The following PDE3B variants were observed in gnomAD, a reference collection of about 807,000 sequenced individuals.
The protein encoded by PDE3B is phosphodiesterase 3B, also known as cGMP-inhibited 3',5'-cyclic phosphodiesterase 3B.
A neutral mutation model predicts 116.8 loss-of-function variants in PDE3B; 66 were observed. The ratio of observed to expected loss-of-function variants is 0.56; its 90% CI spans 0.46 to 0.69. The LOEUF (loss-of-function observed/expected upper bound fraction) is 0.69. Ranked by LOEUF, PDE3B falls within the 30% of genes least tolerant of loss-of-function variation. The pLI, the probability that PDE3B is intolerant of heterozygous loss-of-function variation, is 0.00. For synonymous variants in PDE3B, 595 were observed against 533.6 expected, an observed-to-expected ratio of 1.12 and a Z score of -1.59; for missense variants, 1,384 against 1,368.1, an observed-to-expected ratio of 1.01 and a Z score of -0.18.
intron 7 of PDE3B, among the ~76,000 whole-genome samples, chr11:14,829,946 C>G (rs1469764293): frequency 6.6e-6 from 1 of 152,088 alleles, no homozygotes; most frequent in Non-Finnish European, 1.5e-5. Flanking sequence ...ATCTTTTTGT[C>G]TTTCATACGC....
intron 1 of PDE3B, among the ~76,000 whole-genome samples, chr11:14,655,466 A>C (rs1853690623): frequency 6.6e-6 from 1 of 152,168 alleles, no homozygotes; most frequent in Non-Finnish European, 1.5e-5. Context: ...ATACTGTCTT[A>C]ATTACCTTTC....
intron 1 of PDE3B, among the ~76,000 whole-genome samples, chr11:14,716,368 T>G (rs1855893240): frequency 1.3e-5 from 2 of 151,816 alleles, no homozygotes; most frequent in South Asian, 4.1e-4. Flanking sequence ...TGCCCAGGCT[T>G]GCTTAGGTAA....
chr11:14,844,336 A>G (rs963995866), intron 12 of PDE3B, among the ~76,000 whole-genome samples: 4 of 152,198 alleles, frequency 2.6e-5, no homozygotes, highest in African/African-American at 9.6e-5. Flanking sequence ...ACTGTATTTA[A>G]GATTTCTGTT....
At chr11:14,702,150 C>T (rs1855383544) in intron 1 of PDE3B, among the ~76,000 whole-genome samples, 1 of 151,580 alleles carries the variant, frequency 6.6e-6, no homozygotes, top group Admixed American at 6.6e-5. Flanking sequence ...TTGTCCTTCA[C>T]TTCATCTTTC....
chr11:14,883,842 AAAAC>A, the PDE3B span, among the ~76,000 whole-genome samples: 1 of 151,786 alleles, frequency 6.6e-6, no homozygotes, highest in East Asian at 1.9e-4. Flanking sequence ...TTACAAGAAA[AAAAC>A]AACCCCATCA....
chr11:14,759,347 C>A (rs748003643), intron 1 of PDE3B, among the ~76,000 whole-genome samples: 5 of 152,050 alleles, frequency 3.3e-5, no homozygotes, highest in Non-Finnish European at 7.4e-5. Flanking sequence ...AGGAATGGTA[C>A]CAGTTCCTCC....
intron 1 of PDE3B, among the ~76,000 whole-genome samples, chr11:14,667,874 C>T (rs1490342836): frequency 1.3e-5 from 2 of 151,552 alleles, no homozygotes; most frequent in African/African-American, 2.4e-5. Context: ...GAATTTTTGT[C>T]TGTTTTGTTC....
chr11:14,847,184 A>T (rs541042230), intron 12 of PDE3B, among the ~76,000 whole-genome samples: 3,113 of 152,216 alleles, frequency 0.02, 106 homozygotes, highest in African/African-American at 0.071. Context: ...GGATTAAGAC[A>T]CTCACTCAAA....
At chr11:14,851,488 A>G (rs981702382) in intron 12 of PDE3B, among the ~76,000 whole-genome samples, 4 of 145,812 alleles carry the variant, frequency 2.7e-5, no homozygotes, top group Admixed American at 2.1e-4. Flanking sequence ...GAATATGTAT[A>G]TGTGTAAATG....
intron 1 of PDE3B, among the ~76,000 whole-genome samples, chr11:14,683,033 G>T (rs568373966): frequency 6.6e-6 from 1 of 151,812 alleles, no homozygotes; most frequent in Non-Finnish European, 1.5e-5. Flanking sequence ...CGCCTCCCAG[G>T]TTCAAGTGAT....
intron 12 of PDE3B, among the ~76,000 whole-genome samples, chr11:14,848,972 A>T (rs1207004166): frequency 6.6e-6 from 1 of 152,216 alleles, no homozygotes; most frequent in Non-Finnish European, 1.5e-5. Context: ...TCTTCCCAGA[A>T]TTGGAAAAAA....
At position 14,867,665 on chromosome 11, in the gene PDE3B, G is replaced by A. The variant is rs557159488; in HGVS notation, c.3046G>A (p.Ala1016Thr). 15 of 1,614,002 alleles carry A rather than the reference G, an allele frequency of 9.3e-6. No individual in the cohort carries two copies. In the South Asian group the frequency reaches 1.4e-4, roughly 15 times the overall value. ...AGLLPGQWLE[A>T]EEDNDTESGD... The stretch of plus-strand genomic sequence containing the variant: ...TTTGCTACCAGGTCAGTGGTTAGAA[G>A]CAGAAGAGGATAATGATACTGAAAG... The change falls in exon 15 of 16, where the codon GCA (alanine) becomes ACA (threonine). Residue 1016 changes from alanine (A) to threonine (T), a missense_variant. Around this residue, in one of 2 missense-constraint regions of PDE3B, gnomAD observed 428 missense variants for 561.4 expected, o/e 0.76. Transcript: ENST00000282096.
chr11:14,832,064 A>G (rs1313216631), intron 9 of PDE3B, among the ~76,000 whole-genome samples: 1 of 152,220 alleles, frequency 6.6e-6, no homozygotes, highest in African/African-American at 2.4e-5. Flanking sequence ...TGAAAAGGAT[A>G]TGAAAATATC....
intron 1 of PDE3B, among the ~76,000 whole-genome samples, chr11:14,690,931 T>G (rs1318991732): frequency 6.6e-6 from 1 of 152,138 alleles, no homozygotes; most frequent in Non-Finnish European, 1.5e-5. Context: ...TTTTTTTGTA[T>G]GTGTGCATGC....
At chr11:14,890,753 T>G in the PDE3B span, 1 of 559,674 alleles carries the variant, frequency 1.8e-6, no homozygotes, top group Non-Finnish European at 2.3e-6. Context: ...TTTCACCGTG[T>G]TAGCCACGAC....
At chr11:14,811,469 A>C (rs1285833466) in intron 5 of PDE3B, among the ~76,000 whole-genome samples, 2 of 152,194 alleles carry the variant, frequency 1.3e-5, no homozygotes, top group Non-Finnish European at 2.9e-5. Flanking sequence ...CAAAGATCAG[A>C]TAGTTGTAGA....
intron 1 of PDE3B, among the ~76,000 whole-genome samples, chr11:14,749,217 T>A (rs1856993482): frequency 6.6e-6 from 1 of 151,858 alleles, no homozygotes; most frequent in South Asian, 2.1e-4. Flanking sequence ...GTATAAAACT[T>A]TTTTTTTAAA....
the PDE3B span, among the ~76,000 whole-genome samples, chr11:14,884,962 C>T: frequency 1.3e-5 from 2 of 152,076 alleles, no homozygotes; most frequent in African/African-American, 4.8e-5. Flanking sequence ...ATACTCTGGC[C>T]TGAGAATTCA....
intron 5 of PDE3B, among the ~76,000 whole-genome samples, chr11:14,817,295 GGGAC>G (rs1430111975): frequency 1.3e-5 from 2 of 152,090 alleles, no homozygotes. Context: ...GTGGGGTGGG[GGGAC>G]GGGGGATGGA....
Sources: allele counts gnomAD v4.1 joint callset (sites outside exome capture counted in the v4.1 genomes callset), GRCh38; gene constraint gnomAD v4.1.1; regional missense constraint gnomAD v4.1.1; transcripts MANE v1.5; gene names NCBI Gene and HGNC (gene_info 2026-07-23, HGNC 2026-07-21).